The following SDK1 variants were observed in gnomAD, a reference collection of about 807,000 sequenced individuals.
The protein encoded by SDK1 is sidekick cell adhesion molecule 1.
In SDK1, 157 loss-of-function variants were observed where a neutral mutation model predicts 245.5. The ratio of observed to expected loss-of-function variants is 0.64; its 90% confidence interval spans 0.56 to 0.73. The LOEUF is 0.73. Ranked by LOEUF, SDK1 falls within the 30% of genes least tolerant of loss-of-function variation. The pLI is 0.00. For synonymous variants in SDK1, 1,647 were observed against 1,278.5 expected (o/e 1.29, Z -6.15); for missense variants, 3,583 against 3,002.3 (o/e 1.19, Z -4.52).
At chr7:3,367,469 C>G (rs1330988209) in intron 1 of SDK1, among the ~76,000 whole-genome samples, 2 of 152,210 alleles carry the variant, frequency 1.3e-5, no homozygotes, top group African/African-American at 4.8e-5. Flanking sequence ...TTTCCTCAGT[C>G]AATACTAGAA....
At chr7:4,209,697 C>A (rs543743651) in intron 37 of SDK1, among the ~76,000 whole-genome samples, 2 of 152,274 alleles carry the variant, frequency 1.3e-5, no homozygotes, top group East Asian at 3.9e-4. Context: ...AATCCTCCAG[C>A]AGTTGCTAGA....
intron 30 of SDK1, among the ~76,000 whole-genome samples, 186 bp from the exon 31 acceptor site, chr7:4,158,262 C>G (rs1780894849): frequency 6.6e-6 from 1 of 152,198 alleles, no homozygotes; most frequent in Non-Finnish European, 1.5e-5. Flanking sequence ...GCTCATTGCA[C>G]CTAGGAAGTG....
At chr7:3,799,536 C>T (rs979813672) in intron 4 of SDK1, among the ~76,000 whole-genome samples, 1 of 151,712 alleles carries the variant, frequency 6.6e-6, no homozygotes, top group Admixed American at 6.6e-5. Flanking sequence ...AACCCCGTCT[C>T]TACTAAAAAA....
rs1028860703 is a variant in SDK1, at chr7:3,823,965, G to GT, written c.847+2391dup. ...TTGTTTTTTTGTGTTTTTTTTTTTT[G>GT]TTTTTTTTTCTGCTAAAAGTTTTAT... On this transcript the variant is annotated intron_variant, in intron 5 of 44. Transcript: ENST00000404826. Among the ~76,000 whole-genome samples the GT allele has an allele frequency of 1.2e-4, 16 of 136,118 alleles. No individual in the cohort carries two copies. In the East Asian group the frequency reaches 2.1e-3, roughly 18 times the overall value. The allele number at this position is 136,118 out of a possible 152,430, so 89.3% of individuals were successfully genotyped here.
Position 4,245,764 on chromosome 7 carries a change from G to A in SDK1, c.6340G>A (p.Val2114Met), listed in dbSNP as rs146929663. ...CAACGGCGCCGTGCTGACCGAGAGCGTGAGCCTCAAGGAGAAGTCGGCAGA... is the reference window on the plus strand; with the variant it reads ...CAACGGCGCCGTGCTGACCGAGAGCATGAGCCTCAAGGAGAAGTCGGCAGA... ...KYNGAVLTES[V>M]SLKEKSADAS... is the part of the protein sequence containing the mutation. The change falls in exon 44 of 45, where the codon GTG becomes ATG. Residue 2114 changes from valine to methionine, a missense_variant. Coordinates refer to ENST00000404826, the MANE Select transcript of SDK1 (RefSeq NM_152744.4). The A allele has an allele frequency of 1.1e-4, 176 of 1,613,958 alleles. 2 individuals are homozygous for A. The South Asian group carries it at 1.7e-3, about 16-fold the overall frequency.
intron 1 of SDK1, among the ~76,000 whole-genome samples, chr7:3,374,331 A>G (rs1475908842): frequency 6.6e-6 from 1 of 152,214 alleles, no homozygotes; most frequent in Admixed American, 6.5e-5. Flanking sequence ...AGCTGTGCAC[A>G]GGAGGACTCA....
At chr7:4,044,812 C>G (rs751676631) in intron 17 of SDK1, among the ~76,000 whole-genome samples, 12 of 152,276 alleles carry the variant, frequency 7.9e-5, no homozygotes, top group South Asian at 2.1e-4. Context: ...CTCACCCTTT[C>G]TAGAGTACAG....
At chr7:3,654,983 C>T (rs1047597373) in intron 4 of SDK1, among the ~76,000 whole-genome samples, 1 of 150,638 alleles carries the variant, frequency 6.6e-6, no homozygotes, top group African/African-American at 2.4e-5. Context: ...AATTAAAATA[C>T]AGTTTTAATG....
chr7:3,879,614 C>T (rs1202913395), intron 5 of SDK1, among the ~76,000 whole-genome samples: 1 of 152,186 alleles, frequency 6.6e-6, no homozygotes, highest in Non-Finnish European at 1.5e-5. Context: ...CTCAGCCATT[C>T]GCTGCGTGTC....
At chr7:3,349,564 G>A (rs573347749) in intron 1 of SDK1, among the ~76,000 whole-genome samples, 1 of 152,170 alleles carries the variant, frequency 6.6e-6, no homozygotes, top group African/African-American at 2.4e-5. Flanking sequence ...AGGAAACTGT[G>A]GAAGTCATAC....
chr7:4,155,697 C>T (rs1277557688), intron 30 of SDK1, among the ~76,000 whole-genome samples: 2 of 152,174 alleles, frequency 1.3e-5, no homozygotes, highest in Non-Finnish European at 2.9e-5. Flanking sequence ...TACGTGTCCT[C>T]ATAGGCAACC....
intron 1 of SDK1, among the ~76,000 whole-genome samples, chr7:3,317,855 G>T (rs1379549134): frequency 6.6e-6 from 1 of 152,120 alleles, no homozygotes; most frequent in Non-Finnish European, 1.5e-5. Context: ...TTTCATTCCA[G>T]TTTTTTAAGT....
chr7:3,322,639 C>T (rs144649624), intron 1 of SDK1, among the ~76,000 whole-genome samples: 22 of 152,286 alleles, frequency 1.4e-4, no homozygotes, highest in African/African-American at 5.1e-4. Flanking sequence ...CACTTACTTT[C>T]CTTTTTTAAA....
chr7:3,884,112 G>A (rs1000438326), intron 5 of SDK1, among the ~76,000 whole-genome samples: 11 of 147,000 alleles, frequency 7.5e-5, no homozygotes, highest in African/African-American at 1.8e-4. Context: ...ACAGGGTCTC[G>A]CTGTGTCACG....
In SDK1 at chr7:3,301,791, G is replaced by A. The variant is rs1583654124; in HGVS notation, c.205G>A (p.Gly69Ser). 2.0e-6 allele frequency: 2 copies of A among 1,019,090 alleles called. No individual in the cohort carries two copies. The highest frequency in any genetic ancestry group is 3.5e-5 in the African/African-American group (2 of 57,470). The allele number at this position is 1,019,090 out of a possible 1,614,324, so 63.1% of individuals were successfully genotyped here. A position where few individuals can be genotyped will look rare whatever the true frequency, so the allele number is the denominator to read the frequency against. The part of the protein sequence containing the change: ...GGDTAGAGRC[G>S]GRRAAKLGPG... ...GGACACGGCGGGCGCGGGGCGGTGC[G>A]GCGGGCGGCGGGCGGCAAAGTTGGG... Residue 69 changes from glycine to serine, a missense_variant, in exon 1 of 45, where the codon GGC (glycine) becomes AGC (serine). Transcript: ENST00000404826.
chr7:3,322,913 A>C (rs1178013610), intron 1 of SDK1, among the ~76,000 whole-genome samples: 6 of 152,040 alleles, frequency 3.9e-5, no homozygotes, highest in Non-Finnish European at 8.8e-5. Context: ...AGGTTCAAAC[A>C]GTCCTCCCAC....
At chr7:3,742,857 G>T (rs1421519520) in intron 4 of SDK1, among the ~76,000 whole-genome samples, 2 of 152,124 alleles carry the variant, frequency 1.3e-5, no homozygotes, top group Admixed American at 6.5e-5. Flanking sequence ...TATTGGAAAA[G>T]AAACCCACAG....
At chr7:3,626,484 A>G (rs919940077) in intron 2 of SDK1, among the ~76,000 whole-genome samples, 4 of 152,234 alleles carry the variant, frequency 2.6e-5, no homozygotes, top group African/African-American at 7.2e-5. Flanking sequence ...TTAGGTATGC[A>G]TAACTCTCAG....
chr7:3,799,977 C>G (rs1006406679), intron 4 of SDK1, among the ~76,000 whole-genome samples: 8 of 152,052 alleles, frequency 5.3e-5, no homozygotes, highest in African/African-American at 1.9e-4. Flanking sequence ...ATATTCCTTT[C>G]CCAGAACTTT....
Sources: gnomAD v4.1 joint callset for allele counts (sites outside exome capture counted in the v4.1 genomes callset) on GRCh38, gnomAD v4.1.1 for gene constraint, MANE v1.5 for transcripts, NCBI Gene and HGNC (gene_info 2026-07-23, HGNC 2026-07-21) for gene names.